The following SLC44A5 variants were observed in gnomAD, a reference collection of about 807,000 sequenced individuals.
SLC44A5 encodes choline transporter-like protein 5.
SLC44A5 carries 57 observed loss-of-function variants against 101.8 expected under a neutral mutation model. That is an observed-to-expected ratio of 0.56 (90% CI 0.45 to 0.70). The LOEUF (loss-of-function observed/expected upper bound fraction) is 0.70. Ranked by LOEUF, SLC44A5 falls within the 30% of genes least tolerant of loss-of-function variation. The probability of loss-of-function intolerance (pLI) is 0.00; values close to 1 mark genes in which losing one functional copy is unlikely to be tolerated. For missense variants in SLC44A5, 737 were observed against 853.1 expected, an observed-to-expected ratio of 0.86 and a Z score of 1.70; for synonymous variants, 281 against 290.9, an observed-to-expected ratio of 0.97 and a Z score of 0.35.
rs1446146735 is a variant in SLC44A5, at chr1:75,350,883, G to A, written c.53-11253C>T. Among the ~76,000 whole-genome samples the A allele has an allele frequency of 3.7e-5, 3 of 82,000 alleles. No individual in the cohort carries two copies. In the Admixed American group the frequency reaches 5.0e-4, roughly 14 times the overall value. The allele number at this position is 82,000 out of a possible 152,430, so 53.8% of individuals were successfully genotyped here. On this transcript the variant is annotated intron_variant, in intron 3 of 23. Coordinates refer to ENST00000370859, the MANE Select transcript of SLC44A5 (RefSeq NM_001130058.2). ...CACTTCAGCCTGCGTGACAGGGTGA[G>A]ACTCCATCTCAAAAAAAAAAAAAAA...
chr1:75,406,594 G>A (rs1047544736), intron 2 of SLC44A5, among the ~76,000 whole-genome samples: 1 of 152,062 alleles, frequency 6.6e-6, no homozygotes, highest in African/African-American at 2.4e-5. Flanking sequence ...CACATAAATG[G>A]AACCAATGAC....
At chr1:75,294,586 C>T (rs976647066) in intron 5 of SLC44A5, among the ~76,000 whole-genome samples, 5 of 151,934 alleles carry the variant, frequency 3.3e-5, no homozygotes, top group South Asian at 2.1e-4. Context: ...ATTTAAGTAT[C>T]GATCAATAGT....
chr1:75,689,734 A>C, the SLC44A5 span, among the ~76,000 whole-genome samples: 1 of 152,246 alleles, frequency 6.6e-6, no homozygotes, highest in African/African-American at 2.4e-5. Flanking sequence ...CCACCACTCA[A>C]ACCATCTGAG....
intron 3 of SLC44A5, among the ~76,000 whole-genome samples, chr1:75,347,802 T>C (rs1346249778): frequency 1.3e-5 from 2 of 152,064 alleles, no homozygotes; most frequent in African/African-American, 2.4e-5. Flanking sequence ...AAAGATACAA[T>C]AGCCTGGATT....
chr1:75,287,944 T>A (rs1653205690), intron 5 of SLC44A5, among the ~76,000 whole-genome samples: 4 of 152,116 alleles, frequency 2.6e-5, no homozygotes, highest in African/African-American at 4.8e-5. Context: ...AGGTGATGCT[T>A]TCAAGACAGC....
At chr1:75,566,079 G>A (rs898170552) in intron 1 of SLC44A5, among the ~76,000 whole-genome samples, 3 of 152,144 alleles carry the variant, frequency 2.0e-5, no homozygotes, top group Admixed American at 2.0e-4. Context: ...GCAGTAATAA[G>A]GCAGTTCTGA....
chr1:75,352,142 T>G (rs1343248679), intron 3 of SLC44A5, among the ~76,000 whole-genome samples: 1 of 152,048 alleles, frequency 6.6e-6, no homozygotes, highest in East Asian at 1.9e-4. Context: ...CAAAGATAAA[T>G]TCTGTGTTTT....
intron 12 of SLC44A5, among the ~76,000 whole-genome samples, chr1:75,228,460 T>A (rs1227735857): frequency 6.6e-6 from 1 of 152,162 alleles, no homozygotes; most frequent in Non-Finnish European, 1.5e-5. Flanking sequence ...ATAACTTTTA[T>A]AAATAATTTA....
At chr1:75,481,351 C>T (rs1337081744) in intron 2 of SLC44A5, among the ~76,000 whole-genome samples, 2 of 152,134 alleles carry the variant, frequency 1.3e-5, no homozygotes, top group Admixed American at 6.6e-5. Context: ...TGGGCAAGGA[C>T]TTCATATCTA....
chr1:75,210,986 A>G (rs1224242197), intron 23 of SLC44A5, among the ~76,000 whole-genome samples: 1 of 152,198 alleles, frequency 6.6e-6, no homozygotes, highest in Non-Finnish European at 1.5e-5. Flanking sequence ...CAAGCTAATG[A>G]ACATGTCCAT....
Position 75,360,223 on chromosome 1 carries a change from C to T in SLC44A5, c.53-20593G>A, listed in dbSNP as rs201839282. ...CTTTTGTTGGCTATATTTTTGGGTT[C>T]ATATCAAAAAAATCCATGACCAGAC... On this transcript the variant is annotated intron_variant, in intron 3 of 23. Transcript: ENST00000370859. Among the ~76,000 whole-genome samples the T allele has an allele frequency of 7.9e-5, 12 of 151,882 alleles. No homozygotes were observed. The South Asian group carries it at 1.5e-3, about 18-fold the overall frequency.
intron 5 of SLC44A5, among the ~76,000 whole-genome samples, chr1:75,282,494 A>C (rs1050751258): frequency 1.3e-5 from 2 of 152,154 alleles, no homozygotes; most frequent in Non-Finnish European, 2.9e-5. Context: ...TGTGTATTGA[A>C]ATATGAGAAG....
chr1:75,588,471 A>G (rs1031470050), intron 1 of SLC44A5, among the ~76,000 whole-genome samples: 3 of 152,096 alleles, frequency 2.0e-5, no homozygotes, highest in African/African-American at 7.2e-5. Context: ...AGGTTAAGTC[A>G]TGTGCCCAAA....
rs778311477 is a variant in SLC44A5 at position 75,213,742 on chromosome 1, C to G, written c.1925G>C (p.Gly642Ala). 1 of 1,612,980 alleles carries G rather than the reference C, an allele frequency of 6.2e-7. No homozygotes were observed. The highest frequency in any genetic ancestry group is 1.3e-5 in the African/African-American group (1 of 74,866). The change falls in exon 22 of 24, where the codon GGA becomes GCA. Residue 642 changes from glycine to alanine, a missense_variant. Around this residue, in one of 3 missense-constraint regions of SLC44A5, gnomAD observed 11 missense variants for 32.2 expected, o/e 0.34. Transcript: ENST00000370859. ...CCAGTAGTAATTTAAAGATGCTGGT[C>G]CTTGTGCAATCACTGGCAGTCTTTG... is the stretch of plus-strand genomic sequence containing the variant. ...FTQRLPVIAQ[G>A]PASLNYYWVP...
chr1:75,207,818 T>C (rs995380571), intron 23 of SLC44A5, among the ~76,000 whole-genome samples: 15 of 152,164 alleles, frequency 9.9e-5, no homozygotes, highest in Non-Finnish European at 1.6e-4. Context: ...TAATTTTAAA[T>C]TGTGTACTAT....
At chr1:75,362,302 T>C (rs986450273) in intron 3 of SLC44A5, among the ~76,000 whole-genome samples, 1 of 151,934 alleles carries the variant, frequency 6.6e-6, no homozygotes, top group African/African-American at 2.4e-5. Flanking sequence ...TATGCTGTGA[T>C]CTTCATTATT....
At chr1:75,592,893 A>C (rs2102116274) in intron 1 of SLC44A5, among the ~76,000 whole-genome samples, 1 of 152,302 alleles carries the variant, frequency 6.6e-6, no homozygotes, top group African/African-American at 2.4e-5. Context: ...AACTACTATA[A>C]GAAAACATTA....
chr1:75,286,459 T>A (rs1653056672), intron 5 of SLC44A5, among the ~76,000 whole-genome samples: 1 of 152,156 alleles, frequency 6.6e-6, no homozygotes, highest in Admixed American at 6.5e-5. Context: ...AGCATTTACA[T>A]CATTTACATT....
At chr1:75,470,266 A>C (rs886879146) in intron 2 of SLC44A5, among the ~76,000 whole-genome samples, 5 of 152,202 alleles carry the variant, frequency 3.3e-5, no homozygotes, top group African/African-American at 4.8e-5. Context: ...TATACTTTAA[A>C]ACAGCAGTAA....
Sources: gnomAD v4.1 joint callset for allele counts (sites outside exome capture counted in the v4.1 genomes callset) on GRCh38, gnomAD v4.1.1 for gene constraint, gnomAD v4.1.1 regional missense constraint, MANE v1.5 for transcripts, NCBI Gene and HGNC (gene_info 2026-07-23, HGNC 2026-07-21) for gene names.